HEMK2: variants seen among roughly 807,000 people sequenced by gnomAD.
HEMK2 encodes HemK methyltransferase 2, ETF1 glutamine and histone H4 lysine.
At chr21:28,638,268 G>C in the HEMK2 span, among the ~76,000 whole-genome samples, 2 of 152,224 alleles carry the variant, frequency 1.3e-5, no homozygotes, top group African/African-American at 4.8e-5. Flanking sequence ...AGGCTTTCTG[G>C]AGGAGGTGGG....
the HEMK2 span, among the ~76,000 whole-genome samples, chr21:28,794,638 T>C: frequency 2.0e-5 from 3 of 152,256 alleles, no homozygotes; most frequent in African/African-American, 7.2e-5. Context: ...TCAGGAAATG[T>C]GGTATCCACA....
chr21:28,884,454 T>G, the HEMK2 span, among the ~76,000 whole-genome samples: 1 of 152,226 alleles, frequency 6.6e-6, no homozygotes, highest in Admixed American at 6.5e-5. Flanking sequence ...CAGTTCATCT[T>G]ATCTTCAAAC....
At chr21:28,857,380 T>G in the HEMK2 span, among the ~76,000 whole-genome samples, 2 of 152,172 alleles carry the variant, frequency 1.3e-5, no homozygotes, top group African/African-American at 4.8e-5. Context: ...CAAGAAAGAT[T>G]CTTCGTTGAA....
the HEMK2 span, among the ~76,000 whole-genome samples, chr21:28,577,995 CA>C: frequency 6.6e-6 from 1 of 152,088 alleles, no homozygotes; most frequent in Non-Finnish European, 1.5e-5. Context: ...ACAATTTTTT[CA>C]AAACAAATCT....
chr21:28,678,987 T>G, the HEMK2 span, among the ~76,000 whole-genome samples: 2,866 of 152,272 alleles, frequency 0.019, 95 homozygotes, highest in African/African-American at 0.064. Flanking sequence ...ACGCATCAAC[T>G]AATGAGCAAA....
At chr21:28,862,279 A>G in the HEMK2 span, among the ~76,000 whole-genome samples, 1 of 152,230 alleles carries the variant, frequency 6.6e-6, no homozygotes, top group Admixed American at 6.5e-5. Flanking sequence ...GGGTCACTCC[A>G]CTAGGAAAAA....
At chr21:28,850,650 G>T in the HEMK2 span, among the ~76,000 whole-genome samples, 2 of 152,106 alleles carry the variant, frequency 1.3e-5, no homozygotes, top group Non-Finnish European at 2.9e-5. Flanking sequence ...CCTTACAAAA[G>T]GTCCTTAAGG....
chr21:28,741,619 T>C, the HEMK2 span, among the ~76,000 whole-genome samples: 23 of 152,250 alleles, frequency 1.5e-4, no homozygotes, highest in South Asian at 4.2e-4. Flanking sequence ...TCTCATCATT[T>C]AGCTCCCACT....
the HEMK2 span, among the ~76,000 whole-genome samples, chr21:28,707,256 A>ATTT: frequency 2.9e-4 from 41 of 140,092 alleles, 1 homozygote; most frequent in East Asian, 4.1e-4. Context: ...CACAATTTTA[A>ATTT]TTTTTTTTTT....
At chr21:28,748,327 A>C in the HEMK2 span, among the ~76,000 whole-genome samples, 1 of 152,250 alleles carries the variant, frequency 6.6e-6, no homozygotes, top group Non-Finnish European at 1.5e-5. Context: ...TAAGAATATA[A>C]ATTAATAATG....
the HEMK2 span, among the ~76,000 whole-genome samples, chr21:28,579,753 G>C: frequency 9.9e-5 from 15 of 152,170 alleles, no homozygotes; most frequent in African/African-American, 3.6e-4. Context: ...GCATTAGCCT[G>C]GATCCAATTC....
At chr21:28,675,281 T>C in the HEMK2 span, among the ~76,000 whole-genome samples, 2 of 152,044 alleles carry the variant, frequency 1.3e-5, no homozygotes, top group South Asian at 4.1e-4. Flanking sequence ...AACATGATAA[T>C]AAAAATGAAA....
At chr21:28,861,668 A>G in the HEMK2 span, among the ~76,000 whole-genome samples, 1 of 152,220 alleles carries the variant, frequency 6.6e-6, no homozygotes, top group Non-Finnish European at 1.5e-5. Flanking sequence ...AGAATGGTGG[A>G]TTAGCCTTTC....
the HEMK2 span, among the ~76,000 whole-genome samples, chr21:28,656,000 A>G: frequency 7.2e-5 from 11 of 152,226 alleles, no homozygotes; most frequent in African/African-American, 2.6e-4. Flanking sequence ...CACGATTAGA[A>G]TCTATTTAAA....
chr21:28,744,627 C>T, the HEMK2 span, among the ~76,000 whole-genome samples: 2 of 152,160 alleles, frequency 1.3e-5, no homozygotes, highest in African/African-American at 4.8e-5. Flanking sequence ...ATAAAGGAAA[C>T]AAGAGCCTCT....
chr21:28,815,381 TA>T, the HEMK2 span, among the ~76,000 whole-genome samples: 19 of 144,994 alleles, frequency 1.3e-4, no homozygotes, highest in South Asian at 4.4e-4. Context: ...TAATAATAAT[TA>T]AAAAAAAAAG....
the HEMK2 span, among the ~76,000 whole-genome samples, chr21:28,866,528 T>C: frequency 3.4e-4 from 52 of 152,042 alleles, no homozygotes; most frequent in Non-Finnish European, 5.9e-4. Flanking sequence ...CCCTCTCTAC[T>C]CAAAATACAC....
the HEMK2 span, among the ~76,000 whole-genome samples, chr21:28,771,518 A>ACCCCCCCCCCCC: frequency 4.7e-4 from 50 of 105,328 alleles, 1 homozygote; most frequent in African/African-American, 5.7e-4. Context: ...AAGATGCACC[A>ACCCCCCCCCCCC]CCCCCCCCCG....
the HEMK2 span, among the ~76,000 whole-genome samples, chr21:28,726,225 A>C: frequency 6.6e-6 from 1 of 152,254 alleles, no homozygotes; most frequent in East Asian, 1.9e-4. Flanking sequence ...GTTCAAATGT[A>C]TATTTTTAAG....
Sources: allele counts gnomAD v4.1 joint callset (sites outside exome capture counted in the v4.1 genomes callset), GRCh38; gene constraint gnomAD v4.1.1; transcripts MANE v1.5; gene names NCBI Gene and HGNC (gene_info 2026-07-23, HGNC 2026-07-21).